Variants in PKIB observed in about 807,000 individuals in gnomAD.
The protein encoded by PKIB is PKI-beta.
A neutral mutation model predicts 4.5 loss-of-function variants in PKIB; 2 were observed. The ratio of observed to expected loss-of-function variants is 0.44; its 90% CI spans 0.18 to 1.39. The LOEUF is 1.39. Ranked by LOEUF, PKIB falls within the 40% of genes most tolerant of loss-of-function variation. The probability of loss-of-function intolerance (pLI) is 0.27; values close to 1 mark genes in which losing one functional copy is unlikely to be tolerated. For missense variants in PKIB, 94 were observed against 92.6 expected (o/e 1.02, Z -0.06); for synonymous variants, 38 against 36.0 (o/e 1.06, Z -0.20).
upstream of PKIB, among the ~76,000 whole-genome samples, chr6:122,609,345 A>G (rs1014267233): frequency 6.6e-6 from 1 of 152,356 alleles, no homozygotes; most frequent in East Asian, 1.9e-4. Flanking sequence ...GCTGAACCTC[A>G]GTTTACTATC....
rs1225879138 is a variant in PKIB at position 122,507,061 on chromosome 6, C to T, written c.-248+29122C>T. Among the ~76,000 whole-genome samples, 3 of 151,960 alleles carry T rather than the reference C, an allele frequency of 2.0e-5. No homozygotes were observed. The East Asian group carries it at 5.8e-4, about 29-fold the overall frequency. On this transcript the variant is annotated intron_variant, in intron 2 of 6. Transcript: ENST00000392491. Reference sequence around the variant, plus strand: ...ACCATTGTTGAGGCTGTTAATCCCTCTTTTTGGGGGGTTTAAATTGTTTTA... The same window carrying T: ...ACCATTGTTGAGGCTGTTAATCCCTTTTTTTGGGGGGTTTAAATTGTTTTA...
At chr6:122,609,334 T>C (rs1052376430), upstream of PKIB, among the ~76,000 whole-genome samples, 1 of 151,826 alleles carries the variant, frequency 6.6e-6, no homozygotes, top group African/African-American at 2.4e-5. Flanking sequence ...TATCTAACCT[T>C]GCTGAACCTC....
chr6:122,633,268 CT>C lies in PKIB; in HGVS notation c.-160-12del, dbSNP rs1775773445. ...TTTATCTTAATAAATCTGTTCCTGC[CT>C]TTGTTTCCTTCAGGAGTCATGCTAT... On this transcript the variant is annotated splice_polypyrimidine_tract_variant and intron_variant, in intron 1 of 4. Coordinates refer to ENST00000368452, the MANE Select transcript of PKIB (RefSeq NM_181795.3). The C allele has an allele frequency of 6.6e-6, 1 of 152,132 alleles. No individual in the cohort carries two copies. Among genetic ancestry groups the C allele is most frequent in the Non-Finnish European group, 1.5e-5 (1 of 68,014 alleles). The allele number at this position is 152,132 out of a possible 1,614,324, so 9.4% of individuals were successfully genotyped here. A position where few individuals can be genotyped will look rare whatever the true frequency, so the allele number is the denominator to read the frequency against.
At chr6:122,519,824 A>G (rs2114597040) in intron 2 of PKIB, among the ~76,000 whole-genome samples, 2 of 152,356 alleles carry the variant, frequency 1.3e-5, no homozygotes, top group Middle Eastern at 6.8e-3. Flanking sequence ...CATTGGATAA[A>G]GAGACATTTC....
At chr6:122,713,025 A>G (rs955310231) in intron 3 of PKIB, among the ~76,000 whole-genome samples, 1 of 152,052 alleles carries the variant, frequency 6.6e-6, no homozygotes. Context: ...CCTCTTGAGT[A>G]GTGCTGATGT....
At chr6:122,495,451 C>T (rs1390479793) in intron 2 of PKIB, among the ~76,000 whole-genome samples, 1 of 152,138 alleles carries the variant, frequency 6.6e-6, no homozygotes, top group African/African-American at 2.4e-5. Context: ...CCATCTGCCC[C>T]TGCCTGAGAG....
chr6:122,633,488 T>C (rs1775780847), intron 2 of PKIB, 121 bp downstream of exon 2: 1 of 152,202 alleles, frequency 6.6e-6, no homozygotes, highest in South Asian at 2.1e-4. Context: ...AGGTGGGATA[T>C]CTTCATTTTA....
intron 3 of PKIB, among the ~76,000 whole-genome samples, chr6:122,679,511 G>A (rs1777816793): frequency 6.6e-6 from 1 of 152,154 alleles, no homozygotes; most frequent in African/African-American, 2.4e-5. Context: ...GACCATCTAA[G>A]CTAGAGAGGC....
At chr6:122,614,981 A>C (rs1774925162) in intron 1 of PKIB, among the ~76,000 whole-genome samples, 1 of 152,172 alleles carries the variant, frequency 6.6e-6, no homozygotes, top group South Asian at 2.1e-4. Flanking sequence ...CTTTTCCCAA[A>C]AAGGCCTTGA....
chr6:122,589,317 A>T (rs1331754080), intron 3 of PKIB, among the ~76,000 whole-genome samples: 4 of 152,198 alleles, frequency 2.6e-5, no homozygotes, highest in Non-Finnish European at 2.9e-5. Context: ...AAAACAGCTG[A>T]ATTCCAGGAT....
intron 2 of PKIB, among the ~76,000 whole-genome samples, chr6:122,508,398 C>A (rs963345308): frequency 2.0e-5 from 3 of 152,136 alleles, no homozygotes; most frequent in African/African-American, 7.2e-5. Flanking sequence ...GCACTGAGGA[C>A]AATGTTGTAC....
chr6:122,563,001 G>T (rs921301990), intron 2 of PKIB, among the ~76,000 whole-genome samples: 3 of 151,876 alleles, frequency 2.0e-5, no homozygotes, highest in Non-Finnish European at 4.4e-5. Context: ...TCCATTGCTG[G>T]TGCACTACTG....
intron 3 of PKIB, among the ~76,000 whole-genome samples, chr6:122,685,966 T>C (rs9385266): frequency 0.25 from 37,609 of 152,150 alleles, 5,134 homozygotes; most frequent in East Asian, 0.43. Context: ...ATTCCATCCA[T>C]GTTGTTGCAA....
chr6:122,548,787 G>A (rs1010822333), intron 2 of PKIB, among the ~76,000 whole-genome samples: 1 of 152,030 alleles, frequency 6.6e-6, no homozygotes, highest in Non-Finnish European at 1.5e-5. Flanking sequence ...GAGAACACAA[G>A]CATATTTTGA....
At chr6:122,660,220 G>A (rs1776930773) in intron 2 of PKIB, among the ~76,000 whole-genome samples, 1 of 152,146 alleles carries the variant, frequency 6.6e-6, no homozygotes, top group Non-Finnish European at 1.5e-5. Flanking sequence ...CACTATTGTG[G>A]ACAATATGGT....
Position 122,502,456 on chromosome 6 carries a change from T to C in PKIB, c.-248+24517T>C, listed in dbSNP as rs147693204. On this transcript the variant is annotated intron_variant, in intron 2 of 6. Transcript: ENST00000392491. ...GCATGGCTGGGGAGGACTCAGAAAATTTACAATCAGAAGAGGGCAAAGGGG... is the reference window on the plus strand; with the variant it reads ...GCATGGCTGGGGAGGACTCAGAAAACTTACAATCAGAAGAGGGCAAAGGGG... Among the ~76,000 whole-genome samples, 396 of 151,252 alleles carry C rather than the reference T, an allele frequency of 2.6e-3. 1 individual carries two copies. The highest frequency in any genetic ancestry group is 9.1e-3 in the African/African-American group (376 of 41,192).
rs1554220234 is a variant in PKIB at position 122,561,988 on chromosome 6, G to GTTTGTGTTTTTTTTTTTTTTT, written c.-247-23930_-247-23929insGTGTTTTTTTTTTTTTTTTTT. Among the ~76,000 whole-genome samples the GTTTGTGTTTTTTTTTTTTTTT allele has an allele frequency of 2.6e-3, 64 of 24,248 alleles. 5 individuals are homozygous for GTTTGTGTTTTTTTTTTTTTTT. The highest frequency in any genetic ancestry group is 3.6e-3 in the Non-Finnish European group (43 of 12,020). 15.9% of individuals were successfully genotyped at this position (24,248 alleles called of 152,430 possible). On this transcript the variant is annotated intron_variant, in intron 2 of 6. Coordinates refer to the PKIB transcript ENST00000392491. ...TTGCCTGCATAGTTTTTTTTTGTTT[G>GTTTGTGTTTTTTTTTTTTTTT]TTTTTGTTTTTTTTTGTTTTTTTTT...
intron 2 of PKIB, among the ~76,000 whole-genome samples, chr6:122,512,664 C>T (rs1054181251): frequency 3.9e-5 from 6 of 152,234 alleles, no homozygotes; most frequent in Non-Finnish European, 5.9e-5. Flanking sequence ...TGGTATCCTT[C>T]GAACACTGAG....
upstream of PKIB, among the ~76,000 whole-genome samples, chr6:122,606,203 A>G (rs955728689): frequency 6.6e-6 from 1 of 152,198 alleles, no homozygotes; most frequent in Non-Finnish European, 1.5e-5. Context: ...CATAGGGAAG[A>G]TGTGAAAATG....
Sources: gnomAD v4.1 joint callset for allele counts (sites outside exome capture counted in the v4.1 genomes callset) on GRCh38, gnomAD v4.1.1 for gene constraint, MANE v1.5 for transcripts, NCBI Gene and HGNC (gene_info 2026-07-23, HGNC 2026-07-21) for gene names.